C17orf78: variants seen among roughly 807,000 people sequenced by gnomAD.
The protein encoded by C17orf78 is chromosome 17 open reading frame 78.
A neutral mutation model predicts 31.8 loss-of-function variants in C17orf78; 27 were observed. The ratio of observed to expected loss-of-function variants is 0.85; its 90% CI spans 0.63 to 1.17. The LOEUF (loss-of-function observed/expected upper bound fraction) is 1.17, where lower values mean the gene tolerates loss of function less well. Ranked by LOEUF, C17orf78 falls within the 50% of genes most tolerant of loss-of-function variation. The probability of loss-of-function intolerance (pLI) is 0.00; values close to 1 mark genes in which losing one functional copy is unlikely to be tolerated. For synonymous variants in C17orf78, 106 were observed against 115.1 expected, an observed-to-expected ratio of 0.92 and a Z score of 0.51; for missense variants, 258 against 315.2, an observed-to-expected ratio of 0.82 and a Z score of 1.37.
At chr17:37,388,644 C>G (rs759834542) in intron 4 of C17orf78, 26 bp from the exon 5 acceptor site, 2 of 1,606,454 alleles carry the variant, frequency 1.2e-6, no homozygotes, top group Non-Finnish European at 1.7e-6. Context: ...TCTTTTCTCC[C>G]TCTTCCACTC....
intron 3 of C17orf78, among the ~76,000 whole-genome samples, chr17:37,382,913 T>C (rs906925099): frequency 6.6e-6 from 1 of 152,014 alleles, no homozygotes; most frequent in Admixed American, 6.6e-5. Context: ...GGCACGCGCT[T>C]GTAGTCCCAG....
Position 37,389,289 on chromosome 17 carries a change from T to C in C17orf78, c.677T>C (p.Leu226Ser). 1 of 1,599,202 alleles carries C rather than the reference T, an allele frequency of 6.3e-7. No homozygotes were observed. The highest frequency in any genetic ancestry group is 8.5e-7 in the Non-Finnish European group (1 of 1,173,050). The change falls in exon 6 of 7, where the codon TTG (leucine) becomes TCG (serine). Residue 226 changes from leucine (L) to serine (S), a missense_variant. Transcript: ENST00000615133. ...GARKLCQCQW[L>S]WRWQKKGGQP... ...AGGAAGCTGTGCCAATGCCAGTGGT[T>C]GTGGAGATGGCAAAAGAAGGGAGGC... is the stretch of plus-strand genomic sequence containing the variant.
At chr17:37,391,409 G>T (rs2050878932) in intron 6 of C17orf78, among the ~76,000 whole-genome samples, 1 of 152,144 alleles carries the variant, frequency 6.6e-6, no homozygotes, top group African/African-American at 2.4e-5. Context: ...ACAGAACTAT[G>T]ATCCAGATCT....
At chr17:37,379,001 G>A in intron 2 of C17orf78, 136 bp from the exon 3 acceptor site, 1 of 1,088,670 alleles carries the variant, frequency 9.2e-7, no homozygotes, top group Non-Finnish European at 1.3e-6. Flanking sequence ...GATCGAGGGA[G>A]TTTGAGGCTG....
At chr17:37,386,754 G>GT (rs1233571590) in intron 4 of C17orf78, 1 of 152,068 alleles carries the variant, frequency 6.6e-6, no homozygotes, top group Non-Finnish European at 1.5e-5. Flanking sequence ...ACCACTGTAT[G>GT]TATAGATGGA....
rs12952140 is a variant in C17orf78, at chr17:37,390,293, A to G, written c.750+931A>G. Reference sequence around the variant, plus strand: ...TATAATATATTATATATAATTATATATTATACATAATTATATATATATATA... The same window carrying G: ...TATAATATATTATATATAATTATATGTTATACATAATTATATATATATATA... On this transcript the variant is annotated intron_variant, in intron 6 of 6. Transcript: ENST00000615133. Among the ~76,000 whole-genome samples the G allele has an allele frequency of 1.7e-3, 61 of 35,884 alleles. 1 individual carries two copies. Among genetic ancestry groups the G allele is most frequent in the African/African-American group, 8.8e-3 (55 of 6,234 alleles). The allele number at this position is 35,884 out of a possible 152,430, so 23.5% of individuals were successfully genotyped here. A position where few individuals can be genotyped will look rare whatever the true frequency, so the allele number is the denominator to read the frequency against.
At chr17:37,378,012 A>G in intron 2 of C17orf78, 47 bp downstream of exon 2, 1 of 1,542,702 alleles carries the variant, frequency 6.5e-7, no homozygotes, top group South Asian at 1.1e-5. Context: ...ATTCCAAAAA[A>G]TTTTTACCTT....
chr17:37,385,611 A>C (rs971687543), intron 3 of C17orf78, among the ~76,000 whole-genome samples: 1 of 152,196 alleles, frequency 6.6e-6, no homozygotes, highest in African/African-American at 2.4e-5. Flanking sequence ...CACTTGCAGC[A>C]GTCATTAAGG....
chr17:37,390,249 T>C (rs1471118956), intron 6 of C17orf78, among the ~76,000 whole-genome samples: 1 of 37,284 alleles, frequency 2.7e-5, no homozygotes, highest in Non-Finnish European at 4.0e-5. Context: ...ATATTATATA[T>C]ATATTATATA....
chr17:37,382,796 G>T (rs2147756153), intron 3 of C17orf78, among the ~76,000 whole-genome samples: 1 of 152,286 alleles, frequency 6.6e-6, no homozygotes. Flanking sequence ...GGATGCAGAG[G>T]TTGTAGGGAG....
At chr17:37,390,304 T>TTTTTTATATATATATATATATA (rs1201500381) in intron 6 of C17orf78, among the ~76,000 whole-genome samples, 1 of 17,988 alleles carries the variant, frequency 5.6e-5, no homozygotes, top group Admixed American at 1.3e-3. Flanking sequence ...TTATACATAA[T>TTTTTTATATATATATATATATA]TATATATATA....
intron 6 of C17orf78, among the ~76,000 whole-genome samples, chr17:37,391,225 G>A (rs932918955): frequency 2.3e-4 from 35 of 152,022 alleles, no homozygotes; most frequent in Admixed American, 9.8e-4. Flanking sequence ...GTGACAGAGC[G>A]AGACTCTGTC....
chr17:37,385,790 A>G (rs1188026376), intron 3 of C17orf78, among the ~76,000 whole-genome samples: 1 of 152,142 alleles, frequency 6.6e-6, no homozygotes, highest in Non-Finnish European at 1.5e-5. Context: ...TATGTTAGTT[A>G]AAAGTCCCAT....
chr17:37,388,707 T>C lies in C17orf78; in HGVS notation c.546T>C (p.Ser182=). The C allele has an allele frequency of 6.2e-7, 1 of 1,611,780 alleles. No individual in the cohort carries two copies. Among genetic ancestry groups the C allele is most frequent in the Non-Finnish European group, 8.5e-7 (1 of 1,178,562 alleles). ...ACCTAGAGAAGAGACAGAAATGGAG[T>C]ATTGTGGTCAAAATTCTGATTGCTG... ...DENLEKRQKW[S]IVVKILIAVT... The change falls in exon 5 of 7, where the codon AGT becomes AGC. Residue 182 remains serine, a synonymous_variant. Transcript: ENST00000615133.
At chr17:37,385,472 TA>T (rs113090779) in intron 3 of C17orf78, among the ~76,000 whole-genome samples, 282 of 145,158 alleles carry the variant, frequency 1.9e-3, no homozygotes, top group Middle Eastern at 3.4e-3. Context: ...GACCCTGTCT[TA>T]AAAAAAAAAA....
In C17orf78 at chr17:37,391,669, C is replaced by G; in HGVS notation, c.773C>G (p.Ser258Ter). 6.2e-7 allele frequency: 1 copy of G among 1,613,864 alleles called. No individual in the cohort carries two copies. The highest frequency in any genetic ancestry group is 8.5e-7 in the Non-Finnish European group (1 of 1,179,826). ...PQKVGQDAAN[S>*]SNPKKAAEIT... ...TAGGTTGGACAAGATGCTGCCAATT[C>G]ATCAAACCCAAAGAAAGCTGCAGAG... is the stretch of plus-strand genomic sequence containing the variant. Residue 258 changes from serine to a stop codon, truncating the protein, a stop_gained, in exon 7 of 7, where the codon TCA becomes TGA. Coordinates refer to ENST00000615133, the MANE Select transcript of C17orf78 (RefSeq NM_173625.5). LOFTEE classifies it high-confidence loss of function.
rs574017441 is a variant in C17orf78 at position 37,391,782 on chromosome 17, A to G, written c.*58A>G. 1.4e-6 allele frequency: 2 copies of G among 1,450,582 alleles called. No individual in the cohort carries two copies. Among genetic ancestry groups the G allele is most frequent in the Admixed American group, 1.7e-5 (1 of 58,752 alleles). 89.9% of individuals were successfully genotyped at this position (1,450,582 alleles called of 1,614,324 possible). A position where few individuals can be genotyped will look rare whatever the true frequency, so the allele number is the denominator to read the frequency against. On this transcript the variant is annotated 3_prime_UTR_variant, in exon 7 of 7. Transcript: ENST00000615133. ...ACTACACAGTCCTCTCCCTATTAAT[A>G]TGGGCACATTCTTGCCAATTTCACA...
At chr17:37,391,270 ATACAT>A (rs2050873259) in intron 6 of C17orf78, among the ~76,000 whole-genome samples, 2 of 152,182 alleles carry the variant, frequency 1.3e-5, no homozygotes, top group South Asian at 4.1e-4. Context: ...GCAATCTTAT[ATACAT>A]TATCTCATTT....
chr17:37,389,292 G>A lies in C17orf78; in HGVS notation c.680G>A (p.Trp227Ter), dbSNP rs1011278850. ...ARKLCQCQWL[W>*]RWQKKGGQPP... ...AAGCTGTGCCAATGCCAGTGGTTGT[G>A]GAGATGGCAAAAGAAGGGAGGCCAG... The change falls in exon 6 of 7, where the codon TGG becomes TAG. Residue 227 changes from tryptophan (W) to a stop codon, truncating the protein, a stop_gained. Coordinates refer to ENST00000615133, the MANE Select transcript of C17orf78 (RefSeq NM_173625.5). LOFTEE classifies it high-confidence loss of function. 5 of 1,599,410 alleles carry A rather than the reference G, an allele frequency of 3.1e-6. No individual in the cohort carries two copies. The highest frequency in any genetic ancestry group is 3.4e-6 in the Non-Finnish European group (4 of 1,173,130).
Sources: gnomAD v4.1 joint callset for allele counts (sites outside exome capture counted in the v4.1 genomes callset) on GRCh38, gnomAD v4.1.1 for gene constraint, MANE v1.5 for transcripts, NCBI Gene and HGNC (gene_info 2026-07-23, HGNC 2026-07-21) for gene names.